FBXO16: variants seen among roughly 807,000 people sequenced by gnomAD.
The protein encoded by FBXO16 is F-box only protein 16.
Under a neutral mutation model 41.0 loss-of-function variants are expected in FBXO16, and 31 were observed. The observed-to-expected ratio is 0.76, with a 90% CI of 0.57 to 1.02. The LOEUF (loss-of-function observed/expected upper bound fraction) is 1.02, where lower values mean the gene tolerates loss of function less well. Ranked by LOEUF, FBXO16 falls within the 50% of genes least tolerant of loss-of-function variation. The pLI is 0.00. For missense variants in FBXO16, 361 were observed against 346.2 expected (o/e 1.04, Z -0.34); for synonymous variants, 133 against 117.8 (o/e 1.13, Z -0.84).
At chr8:28,455,630 C>CTA (rs1305208496) in intron 5 of FBXO16, 6 of 152,188 alleles carry the variant, frequency 3.9e-5, no homozygotes, top group Non-Finnish European at 8.8e-5. Flanking sequence ...ACAGCCTGAG[C>CTA]TTCAGCTATT....
chr8:28,471,817 A>C (rs1803340917), intron 3 of FBXO16, among the ~76,000 whole-genome samples: 2 of 149,960 alleles, frequency 1.3e-5, no homozygotes, highest in East Asian at 1.9e-4. Flanking sequence ...AAAAAAAAAA[A>C]AAAAAAAAAA....
intron 8 of FBXO16, among the ~76,000 whole-genome samples, chr8:28,429,166 A>G (rs780068128): frequency 1.5e-4 from 23 of 152,122 alleles, no homozygotes; most frequent in Non-Finnish European, 2.1e-4. Context: ...TTTAAAATAG[A>G]TATTTTTTAG....
chr8:28,429,665 C>T (rs1802578409), intron 7 of FBXO16, among the ~76,000 whole-genome samples: 2 of 151,234 alleles, frequency 1.3e-5, no homozygotes, highest in African/African-American at 2.5e-5. Context: ...TCTCTAACAC[C>T]GTGGTGGGTG....
At chr8:28,441,908 A>G (rs10092685) in intron 7 of FBXO16, among the ~76,000 whole-genome samples, 19,868 of 114,166 alleles carry the variant, frequency 0.17, 1,654 homozygotes, top group South Asian at 0.25. Context: ...GTGTATATAT[A>G]TATGTGTGTG....
At chr8:28,452,665 GT>G (rs1802974647) in intron 5 of FBXO16, among the ~76,000 whole-genome samples, 189 bp from the exon 6 acceptor site, 1 of 152,074 alleles carries the variant, frequency 6.6e-6, no homozygotes, top group South Asian at 2.1e-4. Context: ...GCCGGGTGTG[GT>G]GGCGGGCACC....
chr8:28,458,544 C>CTTT (rs34617439), intron 4 of FBXO16, among the ~76,000 whole-genome samples: 2,300 of 87,178 alleles, frequency 0.026, 40 homozygotes, highest in African/African-American at 0.045. Context: ...TCTTCTTCTT[C>CTTT]TTTTTTTTTT....
chr8:28,436,675 CCAGTG>C (rs1467339862), intron 7 of FBXO16, among the ~76,000 whole-genome samples: 1 of 152,130 alleles, frequency 6.6e-6, no homozygotes, highest in Non-Finnish European at 1.5e-5. Flanking sequence ...AAATTGGCTT[CCAGTG>C]TAGTTTGTGG....
Position 28,473,796 on chromosome 8 carries a change from T to C in FBXO16, c.111A>G (p.Glu37=), listed in dbSNP as rs1425464269. ...CCCATTTGCCAAGCAGGGCTCTTCT[T>C]TCTTCAAATACCTACAGTAAGTAAA... ...HQLLNDRVFE[E]RRALLGKWFD... is the part of the protein sequence containing the mutation. Residue 37 remains glutamate, a synonymous_variant, in exon 3 of 9, where the codon GAA becomes GAG. Coordinates refer to ENST00000380254, the MANE Select transcript of FBXO16 (RefSeq NM_172366.4). 6.2e-7 allele frequency: 1 copy of C among 1,603,466 alleles called. No homozygotes were observed.
intron 1 of FBXO16, among the ~76,000 whole-genome samples, chr8:28,488,152 A>T (rs1047386245): frequency 6.6e-6 from 1 of 152,036 alleles, no homozygotes; most frequent in Non-Finnish European, 1.5e-5. Context: ...CGCCCAGCCA[A>T]ATATTCATCT....
intron 2 of FBXO16, among the ~76,000 whole-genome samples, chr8:28,477,631 A>G (rs1270532803): frequency 6.6e-6 from 1 of 152,218 alleles, no homozygotes; most frequent in Non-Finnish European, 1.5e-5. Context: ...AAAATTGGAA[A>G]CATTGCTGCA....
intron 2 of FBXO16, among the ~76,000 whole-genome samples, chr8:28,482,728 G>GTA (rs1563371217): frequency 6.9e-6 from 1 of 145,976 alleles, no homozygotes; most frequent in East Asian, 2.0e-4. Flanking sequence ...ACACCACCAC[G>GTA]CCCAGCTAAT....
chr8:28,467,886 T>C (rs1803271164), intron 3 of FBXO16, among the ~76,000 whole-genome samples: 3 of 152,118 alleles, frequency 2.0e-5, no homozygotes, highest in Admixed American at 1.3e-4. Flanking sequence ...CTTTGATAGG[T>C]GTTCTTTGCC....
At chr8:28,455,441 T>C (rs1037363465) in intron 5 of FBXO16, among the ~76,000 whole-genome samples, 6 of 152,192 alleles carry the variant, frequency 3.9e-5, no homozygotes, top group Admixed American at 6.5e-5. Flanking sequence ...CTTCCTATGT[T>C]ATACGAGCTG....
chr8:28,460,245 A>ATATTTTT (rs1477457728), intron 4 of FBXO16, among the ~76,000 whole-genome samples: 16 of 85,440 alleles, frequency 1.9e-4, no homozygotes, highest in African/African-American at 8.2e-4. Flanking sequence ...ATATATATAT[A>ATATTTTT]TTTTTTTTTT....
chr8:28,454,112 G>C (rs1585902943), intron 5 of FBXO16, among the ~76,000 whole-genome samples: 1 of 152,094 alleles, frequency 6.6e-6, no homozygotes, highest in East Asian at 1.9e-4. Flanking sequence ...GTTGCAGTGA[G>C]CTGAGATTGT....
rs1803637118 is a variant in FBXO16, at chr8:28,488,424, T to C, written c.-17+1762A>G. 2.0e-5 allele frequency among the ~76,000 whole-genome samples: 3 copies of C among 150,298 alleles called. No individual in the cohort carries two copies. The South Asian group carries it at 6.4e-4, about 32-fold the overall frequency. On this transcript the variant is annotated intron_variant, in intron 1 of 8. Transcript: ENST00000380254. ...CAATTCTCCATGTCAGCCTCCCAAG[T>C]AGCAGAGAATATAGGTGTGCACCAC...
intron 7 of FBXO16, among the ~76,000 whole-genome samples, chr8:28,433,415 C>G (rs558607104): frequency 6.6e-6 from 1 of 152,222 alleles, no homozygotes. Flanking sequence ...GGGCTCCGGG[C>G]CCATCTATTC....
intron 3 of FBXO16, among the ~76,000 whole-genome samples, chr8:28,469,839 T>A (rs559733411): frequency 4.5e-4 from 68 of 152,088 alleles, no homozygotes; most frequent in Non-Finnish European, 8.5e-4. Flanking sequence ...AGGCGGAGGT[T>A]GCAGTGAGCC....
At chr8:28,476,556 T>C (rs1031456602) in intron 2 of FBXO16, among the ~76,000 whole-genome samples, 3 of 152,218 alleles carry the variant, frequency 2.0e-5, no homozygotes, top group African/African-American at 7.2e-5. Context: ...TTCTTCCAAA[T>C]GGAAATATTA....
Sources: gnomAD v4.1 joint callset for allele counts (sites outside exome capture counted in the v4.1 genomes callset) on GRCh38, gnomAD v4.1.1 for gene constraint, MANE v1.5 for transcripts, NCBI Gene and HGNC (gene_info 2026-07-23, HGNC 2026-07-21) for gene names.